The following TMEM232 variants were observed in gnomAD, a reference collection of about 807,000 sequenced individuals.
TMEM232 encodes the protein transmembrane protein 232.
Under a neutral mutation model 78.8 loss-of-function variants are expected in TMEM232, and 80 were observed. That is an observed-to-expected ratio of 1.01 (90% confidence interval 0.85 to 1.22). TMEM232 has a LOEUF of 1.22. TMEM232 is among the 50% of genes most tolerant of loss of function. The pLI is 0.00. For missense variants in TMEM232, 881 were observed against 742.2 expected (o/e 1.19, Z -2.17); for synonymous variants, 297 against 254.3 (o/e 1.17, Z -1.60).
intron 12 of TMEM232, among the ~76,000 whole-genome samples, chr5:110,452,773 A>G (rs1760459778): frequency 2.0e-5 from 3 of 152,226 alleles, no homozygotes; most frequent in African/African-American, 7.2e-5. Flanking sequence ...AGAAGTAAAG[A>G]CATTATTGGA....
At chr5:110,707,017 G>A (rs1003004830) in intron 1 of TMEM232, among the ~76,000 whole-genome samples, 2 of 152,044 alleles carry the variant, frequency 1.3e-5, no homozygotes, top group Non-Finnish European at 2.9e-5. Flanking sequence ...TCCTCCCTTG[G>A]ATGATATCAA....
chr5:110,735,509 C>A (rs756284086), intron 1 of TMEM232, among the ~76,000 whole-genome samples: 1 of 152,044 alleles, frequency 6.6e-6, no homozygotes, highest in Non-Finnish European at 1.5e-5. Flanking sequence ...CTAATAATAT[C>A]CTCCACCCAT....
At chr5:110,656,442 G>A (rs1299562946) in intron 2 of TMEM232, among the ~76,000 whole-genome samples, 4 of 152,008 alleles carry the variant, frequency 2.6e-5, no homozygotes, top group Non-Finnish European at 4.4e-5. Flanking sequence ...ACGTGTGCCT[G>A]TTTCATACAA....
At chr5:110,473,318 GT>G (rs1018750190) in intron 12 of TMEM232, among the ~76,000 whole-genome samples, 3 of 151,690 alleles carry the variant, frequency 2.0e-5, no homozygotes, top group African/African-American at 7.2e-5. Flanking sequence ...ATGCCCAAAA[GT>G]TACATAAAAA....
intron 2 of TMEM232, among the ~76,000 whole-genome samples, chr5:110,646,230 T>C (rs1490766083): frequency 2.0e-5 from 3 of 151,614 alleles, no homozygotes; most frequent in Admixed American, 6.6e-5. Flanking sequence ...GAAATAATAA[T>C]AACATTCATA....
At position 110,736,204 on chromosome 5, in the gene TMEM232, T is replaced by A. The variant is rs189482601; in HGVS notation, c.-125-1189A>T. 5.4e-4 allele frequency among the ~76,000 whole-genome samples: 83 copies of A among 152,344 alleles called. 1 individual carries two copies. The highest frequency in any genetic ancestry group is 2.0e-3 in the African/African-American group (82 of 41,584). ...CAATAAACTCTGGACGATTTCAGCATAATTATTTTAGAAATATTTTGGAGA... is the reference window on the plus strand; with the variant it reads ...CAATAAACTCTGGACGATTTCAGCAAAATTATTTTAGAAATATTTTGGAGA... On this transcript the variant is annotated intron_variant, in intron 1 of 4. Transcript: ENST00000512886.
intron 12 of TMEM232, among the ~76,000 whole-genome samples, chr5:110,525,370 T>A (rs1022650848): frequency 6.6e-6 from 1 of 151,938 alleles, no homozygotes; most frequent in Non-Finnish European, 1.5e-5. Context: ...GCAAAATTAA[T>A]CCACAGAAAG....
chr5:110,415,190 C>CG (rs1756149931), downstream of TMEM232, among the ~76,000 whole-genome samples: 1 of 142,292 alleles, frequency 7.0e-6, no homozygotes, highest in African/African-American at 2.6e-5. Flanking sequence ...TTCTCTCCAA[C>CG]TTTTTTTTTT....
chr5:110,516,947 G>A lies in TMEM232; in HGVS notation c.1703+11641C>T, dbSNP rs1339526736. Among the ~76,000 whole-genome samples the A allele has an allele frequency of 2.6e-5, 4 of 151,910 alleles. No individual in the cohort carries two copies. In the East Asian group the frequency reaches 7.7e-4, roughly 29 times the overall value. On this transcript the variant is annotated intron_variant, in intron 12 of 13. Transcript: ENST00000455884. The stretch of plus-strand genomic sequence containing the variant: ...TTTTCAGATTTTCACACTGAAACAA[G>A]CATGCTCTAGTCCTCCCAGACAATA...
chr5:110,582,488 A>G lies in TMEM232; in HGVS notation c.1277-13863T>C, dbSNP rs77968892. On this transcript the variant is annotated intron_variant, in intron 10 of 13. Transcript: ENST00000455884. Reference sequence around the variant, plus strand: ...ACACACGGACATAAAGATGGCAATAATAGACACTGGGACTACTAGAGGTGG... The same window carrying G: ...ACACACGGACATAAAGATGGCAATAGTAGACACTGGGACTACTAGAGGTGG... Among the ~76,000 whole-genome samples, 549 of 152,068 alleles carry G rather than the reference A, an allele frequency of 3.6e-3. 7 individuals are homozygous for G. The highest frequency in any genetic ancestry group is 3.3e-3 in the Non-Finnish European group (226 of 67,914).
intron 11 of TMEM232, among the ~76,000 whole-genome samples, chr5:110,537,735 G>C (rs1473138051): frequency 1.3e-5 from 2 of 152,220 alleles, no homozygotes; most frequent in African/African-American, 4.8e-5. Context: ...AGAGCTGAGG[G>C]GCCAGTCCTA....
At chr5:110,530,399 A>G (rs1771273222) in intron 11 of TMEM232, among the ~76,000 whole-genome samples, 1 of 152,336 alleles carries the variant, frequency 6.6e-6, no homozygotes, top group Non-Finnish European at 1.5e-5. Context: ...AAAGAAAATC[A>G]GTACGTCAAA....
chr5:110,729,799 C>A (rs1279272531), upstream of TMEM232, among the ~76,000 whole-genome samples: 3 of 152,136 alleles, frequency 2.0e-5, no homozygotes, highest in Non-Finnish European at 4.4e-5. Context: ...CCTTGACTTA[C>A]AGCCTTCCAT....
intron 10 of TMEM232, among the ~76,000 whole-genome samples, chr5:110,601,896 T>C (rs183921481): frequency 2.0e-5 from 3 of 152,258 alleles, no homozygotes; most frequent in East Asian, 3.9e-4. Context: ...CTTCAAACTA[T>C]ACTACAAGGC....
At chr5:110,560,617 A>G (rs913908420) in intron 11 of TMEM232, among the ~76,000 whole-genome samples, 2 of 152,102 alleles carry the variant, frequency 1.3e-5, no homozygotes, top group African/African-American at 4.8e-5. Flanking sequence ...AACCCAAGAG[A>G]AAAAAAATAA....
intron 11 of TMEM232, among the ~76,000 whole-genome samples, chr5:110,561,086 G>C (rs1344171339): frequency 6.6e-6 from 1 of 152,080 alleles, no homozygotes; most frequent in Non-Finnish European, 1.5e-5. Flanking sequence ...AATTTATGTA[G>C]TAAGAAATGT....
chr5:110,454,394 G>A (rs1030642152), intron 12 of TMEM232, among the ~76,000 whole-genome samples: 1 of 152,122 alleles, frequency 6.6e-6, no homozygotes, highest in African/African-American at 2.4e-5. Context: ...TGAGGCAGGA[G>A]GAATTTTGGA....
At chr5:110,525,228 T>C (rs1296702522) in intron 12 of TMEM232, among the ~76,000 whole-genome samples, 1 of 150,672 alleles carries the variant, frequency 6.6e-6, no homozygotes, top group Non-Finnish European at 1.5e-5. Flanking sequence ...CATACTCAGC[T>C]GATAAAATAC....
At chr5:110,610,760 T>C (rs1782170547) in intron 8 of TMEM232, among the ~76,000 whole-genome samples, 1 of 152,204 alleles carries the variant, frequency 6.6e-6, no homozygotes, top group Non-Finnish European at 1.5e-5. Flanking sequence ...TAGCAACATT[T>C]AGAAATTTGA....
Sources: allele counts gnomAD v4.1 joint callset (sites outside exome capture counted in the v4.1 genomes callset), GRCh38; gene constraint gnomAD v4.1.1; transcripts MANE v1.5; gene names NCBI Gene and HGNC (gene_info 2026-07-23, HGNC 2026-07-21).